The following ANXA8 variants were observed in gnomAD, a reference collection of about 807,000 sequenced individuals.
ANXA8 encodes VAC-beta.
A neutral mutation model predicts 26.8 loss-of-function variants in ANXA8; 9 were observed. That is an observed-to-expected ratio of 0.34 (90% CI 0.20 to 0.59). The LOEUF (loss-of-function observed/expected upper bound fraction) is 0.59, where lower values mean the gene tolerates loss of function less well. Ranked by LOEUF, ANXA8 falls within the 20% of genes least tolerant of loss-of-function variation. The probability of loss-of-function intolerance (pLI) is 0.84; values close to 1 mark genes in which losing one functional copy is unlikely to be tolerated. For synonymous variants in ANXA8, 39 were observed against 94.8 expected (o/e 0.41, Z 3.42); for missense variants, 83 against 238.5 (o/e 0.35, Z 4.29).
the ANXA8 span, among the ~76,000 whole-genome samples, chr10:47,952,278 A>G: frequency 1.3e-5 from 2 of 151,816 alleles, no homozygotes; most frequent in South Asian, 4.2e-4. Context: ...AGGTGGTGCA[A>G]TAAGGTAAGA....
the ANXA8 span, among the ~76,000 whole-genome samples, chr10:47,718,107 A>T: frequency 2.0e-5 from 3 of 152,306 alleles, no homozygotes; most frequent in African/African-American, 7.2e-5. Flanking sequence ...TTGGGTGATG[A>T]TATGCCCATG....
chr10:47,667,498 GT>G, the ANXA8 span, among the ~76,000 whole-genome samples: 1 of 151,622 alleles, frequency 6.6e-6, no homozygotes, highest in Non-Finnish European at 1.5e-5. Flanking sequence ...GTGTTTTTTT[GT>G]TGTTGTTTTT....
chr10:47,655,421 G>A, the ANXA8 span, among the ~76,000 whole-genome samples: 4 of 151,874 alleles, frequency 2.6e-5, no homozygotes, highest in Non-Finnish European at 5.9e-5. Context: ...CAGTTGGATT[G>A]GTCTTGGCCT....
intron 11 of ANXA8, among the ~76,000 whole-genome samples, chr10:47,469,778 G>A (rs1839262454): frequency 6.6e-6 from 1 of 151,556 alleles, no homozygotes; most frequent in Non-Finnish European, 1.5e-5. Flanking sequence ...CTCTGGACCA[G>A]TTTAGGTCTC....
the ANXA8 span, among the ~76,000 whole-genome samples, chr10:47,695,459 T>C: frequency 4.6e-5 from 7 of 151,858 alleles, no homozygotes; most frequent in Non-Finnish European, 7.4e-5. Context: ...ATTAGCAGCA[T>C]AGCATCAACA....
chr10:47,714,449 A>G, the ANXA8 span, among the ~76,000 whole-genome samples: 2 of 119,588 alleles, frequency 1.7e-5, no homozygotes, highest in African/African-American at 6.2e-5. Context: ...CAGAAAAATG[A>G]GTGCTAAGAA....
At chr10:47,603,183 A>G in the ANXA8 span, among the ~76,000 whole-genome samples, 3 of 145,390 alleles carry the variant, frequency 2.1e-5, no homozygotes, top group Non-Finnish European at 4.4e-5. Context: ...GCTGTATGGT[A>G]AAATAGGAAA....
the ANXA8 span, among the ~76,000 whole-genome samples, chr10:47,733,233 C>CTCTCTCTTTCTT: frequency 2.2e-4 from 13 of 59,720 alleles, no homozygotes; most frequent in East Asian, 1.5e-3. Context: ...CTTTCTTTCT[C>CTCTCTCTTTCTT]TCTTTCTTTC....
At chr10:47,722,909 G>A in the ANXA8 span, among the ~76,000 whole-genome samples, 2 of 141,920 alleles carry the variant, frequency 1.4e-5, 1 homozygote, top group Non-Finnish European at 3.1e-5. Context: ...GGACAGATTT[G>A]AGAATGGTCG....
the ANXA8 span, chr10:47,589,491 A>G: frequency 1.4e-5 from 2 of 146,350 alleles, no homozygotes; most frequent in South Asian, 2.1e-4. Flanking sequence ...CTTATGAGCC[A>G]GAAAATCAGG....
At chr10:47,954,474 G>T in the ANXA8 span, among the ~76,000 whole-genome samples, 3 of 150,954 alleles carry the variant, frequency 2.0e-5, no homozygotes, top group African/African-American at 7.4e-5. Context: ...TGAATAAGAT[G>T]CAGTATTTGA....
At position 47,468,890 on chromosome 10, in the gene ANXA8, T is replaced by C. The variant is rs1839198453; in HGVS notation, c.941A>G (p.Asp314Gly). 4 of 1,611,308 alleles carry C rather than the reference T, an allele frequency of 2.5e-6. No individual in the cohort carries two copies. Among genetic ancestry groups the C allele is most frequent in the Non-Finnish European group, 3.4e-6 (4 of 1,179,778 alleles). ...SSMIMEDTSG[D>G]YKNALLSLVG... ...CAGGCTCAGCAGGGCGTTCTTGTAG[T>C]CACCGCTGGTGTCTTCCTGTGGGCA... The change falls in exon 12 of 12, where the codon GAC (aspartate) becomes GGC (glycine). Residue 314 changes from aspartate to glycine, a missense_variant. This residue lies in a region of ANXA8 where 28 missense variants were observed against 37.7 expected (regional missense o/e 0.74). Coordinates refer to ENST00000585281, the MANE Select transcript of ANXA8 (RefSeq NM_001040084.3).
the ANXA8 span, among the ~76,000 whole-genome samples, chr10:47,597,113 A>G: frequency 6.7e-6 from 1 of 149,448 alleles, no homozygotes; most frequent in Admixed American, 6.6e-5. Flanking sequence ...TATGCAAATC[A>G]GTTAATGTGA....
chr10:47,695,847 A>G, the ANXA8 span, among the ~76,000 whole-genome samples: 4 of 151,884 alleles, frequency 2.6e-5, no homozygotes, highest in African/African-American at 9.7e-5. Flanking sequence ...TATCCGCCTT[A>G]GATATACAGC....
the ANXA8 span, among the ~76,000 whole-genome samples, chr10:47,573,264 G>C: frequency 6.7e-6 from 1 of 149,514 alleles, no homozygotes; most frequent in Non-Finnish European, 1.5e-5. Flanking sequence ...TTACAGGCGT[G>C]AGCCACCGTG....
the ANXA8 span, among the ~76,000 whole-genome samples, chr10:47,589,903 T>TGATTAGATA: frequency 4.0e-5 from 5 of 125,664 alleles, no homozygotes; most frequent in African/African-American, 2.0e-4. Flanking sequence ...GATAGATAGA[T>TGATTAGATA]GATAGATAGA....
At chr10:47,554,619 T>C in the ANXA8 span, among the ~76,000 whole-genome samples, 3 of 150,930 alleles carry the variant, frequency 2.0e-5, no homozygotes, top group Non-Finnish European at 4.4e-5. Context: ...CTTGGAGGGT[T>C]TCTTTTCAAT....
the ANXA8 span, among the ~76,000 whole-genome samples, chr10:47,722,568 A>G: frequency 0.096 from 13,319 of 138,986 alleles, 2,118 homozygotes; most frequent in African/African-American, 0.25. Flanking sequence ...AAAGTGGCTC[A>G]TTCATATGGC....
At chr10:47,696,332 C>T in the ANXA8 span, 3 of 471,850 alleles carry the variant, frequency 6.4e-6, no homozygotes, top group Admixed American at 8.5e-5. Flanking sequence ...TAATATTTTG[C>T]TGTGACTAGT....
Sources: allele counts gnomAD v4.1 joint callset (sites outside exome capture counted in the v4.1 genomes callset), GRCh38; gene constraint gnomAD v4.1.1; regional missense constraint gnomAD v4.1.1; transcripts MANE v1.5; gene names NCBI Gene and HGNC (gene_info 2026-07-23, HGNC 2026-07-21).